Variants in KIAA1549 observed in about 807,000 individuals in gnomAD.
KIAA1549 encodes the protein KIAA1549, also known as UPF0606 protein KIAA1549.
In KIAA1549, 70 loss-of-function variants were observed where a neutral mutation model predicts 156.4. The observed-to-expected ratio is 0.45, with a 90% CI of 0.37 to 0.55. The LOEUF (loss-of-function observed/expected upper bound fraction) is 0.55. Among genes scored for constraint, KIAA1549 ranks in the 20% least tolerant of loss-of-function variants. The probability of loss-of-function intolerance (pLI) is 0.00; values close to 1 mark genes in which losing one functional copy is unlikely to be tolerated. For synonymous variants in KIAA1549, 1,103 were observed against 1,066.4 expected, an observed-to-expected ratio of 1.03 and a Z score of -0.67; for missense variants, 2,428 against 2,540.9, an observed-to-expected ratio of 0.96 and a Z score of 0.96.
At chr7:138,944,163 G>T (rs934713575) in intron 1 of KIAA1549, among the ~76,000 whole-genome samples, 2 of 151,560 alleles carry the variant, frequency 1.3e-5, no homozygotes, top group Non-Finnish European at 2.9e-5. Context: ...TTGTACAATG[G>T]ATCTCTTGAA....
At chr7:138,890,540 T>C (rs1811518451) in intron 10 of KIAA1549, among the ~76,000 whole-genome samples, 1 of 152,230 alleles carries the variant, frequency 6.6e-6, no homozygotes, top group African/African-American at 2.4e-5. Context: ...CCCGTAACCC[T>C]GTGGTCCCGG....
rs1313148024 is a variant in KIAA1549 at position 138,861,180 on chromosome 7, A to AC, written c.5205dup (p.Ser1736ValfsTer15). 2 of 1,613,708 alleles carry AC rather than the reference A, an allele frequency of 1.2e-6. No individual in the cohort carries two copies. Among genetic ancestry groups the AC allele is most frequent in the Non-Finnish European group, 1.7e-6 (2 of 1,179,854 alleles). On this transcript the variant is annotated frameshift_variant, in exon 16 of 20. Coordinates refer to ENST00000422774, the MANE Select transcript of KIAA1549 (RefSeq NM_001164665.2). LOFTEE classifies it high-confidence loss of function. ...GCCGTCTGGGCTGGGCTGTAGAAGG[A>AC]CCCCCACTGGGTGGCTCGCCTCTCT...
In KIAA1549 at chr7:138,917,916, G is replaced by A. The variant is rs1293039119; in HGVS notation, c.1710C>T (p.Phe570=). 1 of 1,600,112 alleles carries A rather than the reference G, an allele frequency of 6.2e-7. No individual in the cohort carries two copies. The highest frequency in any genetic ancestry group is 1.1e-5 in the South Asian group (1 of 88,346). ...GTGTGTTTTTGTTTGCTATGACAGA[G>A]AAAGATGAGTCAAGGAGAATGCTGG... The part of the protein sequence containing the change: ...VITSILLDSS[F]SVIANKNTPS... Residue 570 remains phenylalanine, a synonymous_variant, in exon 2 of 20, where the codon TTC becomes TTT. Transcript: ENST00000422774.
chr7:138,966,067 C>A (rs978369039), intron 1 of KIAA1549, among the ~76,000 whole-genome samples: 3 of 152,136 alleles, frequency 2.0e-5, no homozygotes, highest in Non-Finnish European at 4.4e-5. Flanking sequence ...GCTTGTCTTG[C>A]CCCCTTGCCT....
In KIAA1549 at chr7:138,838,042, G is replaced by C. The variant is rs199760888; in HGVS notation, c.5717C>G (p.Pro1906Arg). Residue 1906 changes from proline (P) to arginine (R), a missense_variant, in exon 20 of 20, where the codon CCT becomes CGT. This residue lies in a region of KIAA1549 where 363 missense variants were observed against 354.0 expected (regional missense o/e 1.03). Transcript: ENST00000422774. ...GNLPHRGLQG[P>R]GLGYPTSSTE... ...GGAGCTGGTGGGGTAACCCAGCCCA[G>C]GGCCCTGCAGTCCCCGGTGGGGGAG... 617 of 1,604,020 alleles carry C rather than the reference G, an allele frequency of 3.8e-4. No individual in the cohort carries two copies. Among genetic ancestry groups the C allele is most frequent in the Non-Finnish European group, 5.1e-4 (598 of 1,175,658 alleles).
rs1337810073 is a variant in KIAA1549 at position 138,852,239 on chromosome 7, T to C, written c.5278A>G (p.Thr1760Ala). The C allele has an allele frequency of 1.2e-6, 2 of 1,611,030 alleles. No homozygotes were observed. The highest frequency in any genetic ancestry group is 1.3e-5 in the African/African-American group (1 of 74,856). Reference protein sequence around the residue: ...RYEDYGMTPPTGPLPRPGFGP... With the variant: ...RYEDYGMTPPAGPLPRPGFGP... ...AAACCTTACCTTGGCAATGGACCCGTCGGGGGAGTCATTCCATAGTCTTCG... is the reference window on the plus strand; with the variant it reads ...AAACCTTACCTTGGCAATGGACCCGCCGGGGGAGTCATTCCATAGTCTTCG... The change falls in exon 17 of 20, where the codon ACG becomes GCG. Residue 1760 changes from threonine to alanine, a missense_variant. By Grantham distance (58) the Thr-to-Ala change is moderately conservative. This residue lies in a region of KIAA1549 where 363 missense variants were observed against 354.0 expected (regional missense o/e 1.03). Coordinates refer to ENST00000422774, the MANE Select transcript of KIAA1549 (RefSeq NM_001164665.2).
At chr7:138,924,405 A>G (rs1281466091) in intron 1 of KIAA1549, among the ~76,000 whole-genome samples, 1 of 152,182 alleles carries the variant, frequency 6.6e-6, no homozygotes, top group Non-Finnish European at 1.5e-5. Flanking sequence ...TCCCTTTTAA[A>G]AAAAATCACA....
intron 16 of KIAA1549, among the ~76,000 whole-genome samples, chr7:138,856,804 C>A (rs1810407279): frequency 6.6e-6 from 1 of 152,200 alleles, no homozygotes; most frequent in African/African-American, 2.4e-5. Flanking sequence ...CCACAGGACA[C>A]CCCAATGTCT....
intron 10 of KIAA1549, among the ~76,000 whole-genome samples, chr7:138,883,490 T>G (rs961216184): frequency 6.6e-6 from 1 of 151,712 alleles, no homozygotes; most frequent in African/African-American, 2.4e-5. Context: ...ATTTTTTTGG[T>G]ATTTTTAGTA....
In KIAA1549 at chr7:138,836,348, G is replaced by C. The variant is rs1410502132; in HGVS notation, c.*1558C>G. 4.7e-6 allele frequency: 1 copy of C among 210,544 alleles called. No individual in the cohort carries two copies. The highest frequency in any genetic ancestry group is 1.9e-4 in the South Asian group (1 of 5,310). The allele number at this position is 210,544 out of a possible 1,614,324, so 13.0% of individuals were successfully genotyped here. A position where few individuals can be genotyped will look rare whatever the true frequency, so the allele number is the denominator to read the frequency against. The stretch of plus-strand genomic sequence containing the variant: ...GCTGTACAGGTTTGTAGCCTAAGAG[G>C]AATAGGCCATGCCACACAGCCCAGG... On this transcript the variant is annotated 3_prime_UTR_variant, in exon 20 of 20. Coordinates refer to ENST00000422774, the MANE Select transcript of KIAA1549 (RefSeq NM_001164665.2).
At chr7:138,975,118 A>T (rs1814336380) in intron 1 of KIAA1549, among the ~76,000 whole-genome samples, 1 of 152,184 alleles carries the variant, frequency 6.6e-6, no homozygotes, top group African/African-American at 2.4e-5. Flanking sequence ...GAGGCAGTGG[A>T]GGCAGTGATG....
intron 16 of KIAA1549, among the ~76,000 whole-genome samples, chr7:138,858,371 C>T (rs1810455502): frequency 6.6e-6 from 1 of 152,196 alleles, no homozygotes; most frequent in African/African-American, 2.4e-5. Context: ...GCTGGGATTA[C>T]AGGTGTGAGC....
chr7:138,835,906 C>T lies in KIAA1549; in HGVS notation c.*2000G>A, dbSNP rs964788128. 30 of 217,742 alleles carry T rather than the reference C, an allele frequency of 1.4e-4. 1 individual carries two copies. Among genetic ancestry groups the T allele is most frequent in the African/African-American group, 6.5e-4 (29 of 44,496 alleles). The allele number at this position is 217,742 out of a possible 1,614,324, so 13.5% of individuals were successfully genotyped here. A position where few individuals can be genotyped will look rare whatever the true frequency, so the allele number is the denominator to read the frequency against. ...TTGAGAGACTTACTCTCCTGCACTC[C>T]TTCTCTTTCAGAGGTGCCCAGATGA... On this transcript the variant is annotated 3_prime_UTR_variant, in exon 20 of 20. Transcript: ENST00000422774.
chr7:138,913,894 A>G (rs553268027), intron 2 of KIAA1549, among the ~76,000 whole-genome samples: 11 of 151,474 alleles, frequency 7.3e-5, no homozygotes, highest in South Asian at 2.1e-4. Context: ...TATTTAAGGA[A>G]GGAAATGAAG....
intron 2 of KIAA1549, 111 bp from the exon 3 acceptor site, chr7:138,912,571 T>C: frequency 1.2e-6 from 1 of 857,646 alleles, no homozygotes; most frequent in Non-Finnish European, 1.9e-6. Context: ...GTTCCAAAAG[T>C]CTTTTTGTAA....
In KIAA1549 at chr7:138,869,996, C is replaced by T. The variant is rs145108479; in HGVS notation, c.4552-235G>A. ...TGCCGAGTAGCTGGGATTACAGACA[C>T]GCACCATCATGCCCAGTTCATTTTT... On this transcript the variant is annotated intron_variant, in intron 13 of 19. Transcript: ENST00000422774. 5.3e-3 allele frequency among the ~76,000 whole-genome samples: 801 copies of T among 152,164 alleles called. 8 individuals are homozygous for T. Among genetic ancestry groups the T allele is most frequent in the African/African-American group, 0.019 (772 of 41,514 alleles).
intron 10 of KIAA1549, among the ~76,000 whole-genome samples, chr7:138,885,905 C>T (rs980660542): frequency 2.6e-5 from 4 of 152,134 alleles, no homozygotes; most frequent in Non-Finnish European, 5.9e-5. Flanking sequence ...GGAGGACAGT[C>T]TTGGGGACTC....
intron 14 of KIAA1549, among the ~76,000 whole-genome samples, chr7:138,869,181 C>T (rs552949951): frequency 6.6e-6 from 1 of 152,194 alleles, no homozygotes; most frequent in East Asian, 1.9e-4. Flanking sequence ...GCCAAGGACA[C>T]CACAGAAGGA....
chr7:138,924,182 CTTTTTTTTTTTTCT>C (rs1400520586), intron 1 of KIAA1549, among the ~76,000 whole-genome samples: 2 of 92,356 alleles, frequency 2.2e-5, no homozygotes, highest in Non-Finnish European at 4.3e-5. Context: ...CTTTTCTTTT[CTTTTTTTTTTTTCT>C]TTTTTTTTTT....
Sources: allele counts gnomAD v4.1 joint callset (sites outside exome capture counted in the v4.1 genomes callset), GRCh38; gene constraint gnomAD v4.1.1; regional missense constraint gnomAD v4.1.1; transcripts MANE v1.5; gene names NCBI Gene and HGNC (gene_info 2026-07-23, HGNC 2026-07-21).